The following KLHL2 variants were observed in gnomAD, a reference collection of about 807,000 sequenced individuals.
KLHL2 encodes kelch like family member 2, also known as kelch-like protein 2.
Under a neutral mutation model 75.8 loss-of-function variants are expected in KLHL2, and 15 were observed. The ratio of observed to expected loss-of-function variants is 0.20; its 90% CI spans 0.13 to 0.30. The LOEUF is 0.30. KLHL2 is among the 10% of genes least tolerant of loss of function. The pLI, the probability that KLHL2 is intolerant of heterozygous loss-of-function variation, is 1.00. For missense variants in KLHL2, 381 were observed against 741.0 expected (o/e 0.51, Z 5.64); for synonymous variants, 214 against 251.9 (o/e 0.85, Z 1.42).
At chr4:165,304,739 G>T (rs915311735) in intron 8 of KLHL2, among the ~76,000 whole-genome samples, 1 of 152,118 alleles carries the variant, frequency 6.6e-6, no homozygotes, top group African/African-American at 2.4e-5. Context: ...TAGCAGTTAC[G>T]TCTATACTAA....
At chr4:165,301,286 G>A (rs553263207) in intron 8 of KLHL2, among the ~76,000 whole-genome samples, 12 of 152,270 alleles carry the variant, frequency 7.9e-5, no homozygotes, top group African/African-American at 2.4e-4. Context: ...AAGTTCAAAT[G>A]CTTTTCTCAA....
intron 8 of KLHL2, among the ~76,000 whole-genome samples, chr4:165,300,147 C>T (rs541930201): frequency 2.6e-5 from 4 of 151,932 alleles, no homozygotes; most frequent in South Asian, 2.1e-4. Context: ...AAATTAGCCA[C>T]GTGTGGTGGC....
chr4:165,282,366 G>C (rs1335019248), intron 5 of KLHL2, among the ~76,000 whole-genome samples: 1 of 152,146 alleles, frequency 6.6e-6, no homozygotes, highest in East Asian at 1.9e-4. Flanking sequence ...TGGCTGTGTT[G>C]TGTTAGGCTT....
Position 165,304,188 on chromosome 4 carries a change from A to G in KLHL2, c.922-1420A>G, listed in dbSNP as rs551215492. The stretch of plus-strand genomic sequence containing the variant: ...GAGCCACCATACCTGGCCAAGAAGA[A>G]TAACAGGCCTGAAAAAAATTATGTA... On this transcript the variant is annotated intron_variant, in intron 8 of 14. Transcript: ENST00000226725. Among the ~76,000 whole-genome samples, 9 of 152,316 alleles carry G rather than the reference A, an allele frequency of 5.9e-5. No homozygotes were observed. The South Asian group carries it at 1.9e-3, about 32-fold the overall frequency.
chr4:165,285,740 C>T (rs1360261580), intron 5 of KLHL2, among the ~76,000 whole-genome samples: 2 of 150,806 alleles, frequency 1.3e-5, no homozygotes, highest in Non-Finnish European at 3.0e-5. Context: ...TTAAACTTTA[C>T]ACTTAAAAAT....
At chr4:165,279,676 G>A (rs759859182) in intron 5 of KLHL2, 331 of 1,592,662 alleles carry the variant, frequency 2.1e-4, no homozygotes, top group Non-Finnish European at 2.6e-4. Flanking sequence ...CCGCGTTTGC[G>A]GCCGGTTTCC....
chr4:165,232,987 C>A (rs1262180703), intron 3 of KLHL2, among the ~76,000 whole-genome samples: 1 of 141,742 alleles, frequency 7.1e-6, no homozygotes, highest in Non-Finnish European at 1.5e-5. Context: ...CATTCTCTTG[C>A]TCAGGGACAG....
At chr4:165,291,791 TG>T (rs1407842365) in intron 5 of KLHL2, among the ~76,000 whole-genome samples, 1 of 152,118 alleles carries the variant, frequency 6.6e-6, no homozygotes, top group Non-Finnish European at 1.5e-5. Context: ...GGGTAGTATT[TG>T]CATACAGCCT....
At chr4:165,305,761 T>C (rs747977692) in intron 9 of KLHL2, 36 bp downstream of exon 9, 2 of 1,334,460 alleles carry the variant, frequency 1.5e-6, no homozygotes, top group Admixed American at 3.6e-5. Context: ...TCTCTACTCC[T>C]GGGTCATTGG....
At chr4:165,219,070 C>T (rs1334100962) in intron 1 of KLHL2, among the ~76,000 whole-genome samples, 9 of 152,220 alleles carry the variant, frequency 5.9e-5, no homozygotes, top group African/African-American at 2.2e-4. Flanking sequence ...TTGCCCCCCT[C>T]CTCATGGGAC....
chr4:165,281,105 T>G (rs1204550364), intron 5 of KLHL2, among the ~76,000 whole-genome samples: 4 of 152,220 alleles, frequency 2.6e-5, no homozygotes, highest in African/African-American at 7.2e-5. Context: ...GACTTTGCAT[T>G]GAGTATAGAG....
chr4:165,265,690 T>G (rs1236908959), intron 5 of KLHL2, among the ~76,000 whole-genome samples: 1 of 152,186 alleles, frequency 6.6e-6, no homozygotes, highest in African/African-American at 2.4e-5. Context: ...TTCCATGGTG[T>G]ATATGTGCCA....
chr4:165,209,634 G>C (rs1221738937), intron 1 of KLHL2, among the ~76,000 whole-genome samples: 1 of 152,166 alleles, frequency 6.6e-6, no homozygotes, highest in East Asian at 1.9e-4. Context: ...GCCATTTTTG[G>C]CATTGAGATT....
rs1579196281 is a variant in KLHL2, at chr4:165,317,953, A to G, written c.1737A>G (p.Thr579=). 3 of 1,613,904 alleles carry G rather than the reference A, an allele frequency of 1.9e-6. No individual in the cohort carries two copies. Among genetic ancestry groups the G allele is most frequent in the Non-Finnish European group, 2.5e-6 (3 of 1,179,908 alleles). ...CAGTTGTGTCATCGTGTATGAGCAC[A>G]GGGAGAAGTTATGCAGGTAACAGTT... The part of the protein sequence containing the change: ...KWTVVSSCMS[T]GRSYAGVTVI... Residue 579 remains threonine (T), a synonymous_variant, in exon 14 of 15, where the codon ACA becomes ACG. Transcript: ENST00000226725.
At chr4:165,251,673 G>T (rs1372531573) in intron 4 of KLHL2, among the ~76,000 whole-genome samples, 2 of 149,106 alleles carry the variant, frequency 1.3e-5, no homozygotes, top group Non-Finnish European at 3.0e-5. Flanking sequence ...GCAGTGGCGG[G>T]ATCTCGGCTC....
chr4:165,303,871 A>G (rs1384465195), intron 8 of KLHL2, among the ~76,000 whole-genome samples: 1 of 150,718 alleles, frequency 6.6e-6, no homozygotes, highest in Non-Finnish European at 1.5e-5. Context: ...GCCAACCAAA[A>G]TGTTGTCTGT....
chr4:165,315,997 C>T lies in KLHL2; in HGVS notation c.1610-1829C>T, dbSNP rs575195626. Among the ~76,000 whole-genome samples, 6 of 152,238 alleles carry T rather than the reference C, an allele frequency of 3.9e-5. 1 individual carries two copies. In the South Asian group the frequency reaches 1.2e-3, roughly 32 times the overall value. The stretch of plus-strand genomic sequence containing the variant: ...ATACCTAGCACATCTGTAATAGGTT[C>T]TCAATATGAATTTGATTGTGTTGAA... On this transcript the variant is annotated intron_variant, in intron 13 of 14. Transcript: ENST00000226725.
chr4:165,209,935 A>G, intron 1 of KLHL2: 1 of 1,316,422 alleles, frequency 7.6e-7, no homozygotes, highest in Non-Finnish European at 1.0e-6. Context: ...CTCCACTCCC[A>G]TTAACATCCC....
chr4:165,226,963 A>G (rs1182693215), intron 2 of KLHL2, among the ~76,000 whole-genome samples: 10 of 152,178 alleles, frequency 6.6e-5, no homozygotes, highest in Non-Finnish European at 1.0e-4. Context: ...CACTAAATGA[A>G]ATAATACATG....
Sources: gnomAD v4.1 joint callset for allele counts (sites outside exome capture counted in the v4.1 genomes callset) on GRCh38, gnomAD v4.1.1 for gene constraint, MANE v1.5 for transcripts, NCBI Gene and HGNC (gene_info 2026-07-23, HGNC 2026-07-21) for gene names.